FAM187B: variants seen among roughly 807,000 people sequenced by gnomAD.
The protein encoded by FAM187B is protein FAM187B.
Under a neutral mutation model 22.6 loss-of-function variants are expected in FAM187B, and 22 were observed. The observed-to-expected ratio is 0.97, with a 90% CI of 0.70 to 1.39. The LOEUF (loss-of-function observed/expected upper bound fraction) is 1.39. FAM187B is among the 40% of genes most tolerant of loss of function. FAM187B has a pLI of 0.00. For synonymous variants in FAM187B, 192 were observed against 201.8 expected, an observed-to-expected ratio of 0.95 and a Z score of 0.41; for missense variants, 433 against 462.1, an observed-to-expected ratio of 0.94 and a Z score of 0.58.
rs111368037 is a variant in FAM187B at position 35,228,075 on chromosome 19, G to A, written c.606C>T (p.His202=). The change falls in exon 1 of 2, where the codon CAC becomes CAT. Residue 202 remains histidine (H), a synonymous_variant. Coordinates refer to ENST00000324675, the MANE Select transcript of FAM187B (RefSeq NM_152481.2). ...ACTGTGTGTTATTGGTGCACTGGAC[G>A]TGGCAGGCTTCCACCTGCAGCTCAG... ...LRPELQVEAC[H]VQCTNNTQLR... The A allele has an allele frequency of 2.7e-5, 43 of 1,614,114 alleles. No homozygotes were observed. Among genetic ancestry groups the A allele is most frequent in the Middle Eastern group, 1.6e-4 (1 of 6,084 alleles).
Position 35,228,452 on chromosome 19 carries a change from C to A in FAM187B, c.229G>T (p.Glu77Ter), listed in dbSNP as rs762057149. ...TNISNMEIMP[E>*]GSLLIKDPLP... Reference sequence around the variant, plus strand: ...GGATCTTTAATGAGAAGGCTGCCCTCGGGCATTATTTCCATATTGGAAATA... The same window carrying A: ...GGATCTTTAATGAGAAGGCTGCCCTAGGGCATTATTTCCATATTGGAAATA... The change falls in exon 1 of 2, where the codon GAG becomes TAG. Residue 77 changes from glutamate (E) to a stop codon, truncating the protein, a stop_gained. Transcript: ENST00000324675. LOFTEE classifies it high-confidence loss of function. 1.2e-6 allele frequency: 2 copies of A among 1,614,152 alleles called. No individual in the cohort carries two copies. The highest frequency in any genetic ancestry group is 1.7e-6 in the Non-Finnish European group (2 of 1,180,028).
chr19:35,228,291 G>A lies in FAM187B; in HGVS notation c.390C>T (p.Asn130=), dbSNP rs150029822. ...GTTTGCTGCCCAAATGCAGGGTCTC[G>A]TTCTGCAGGGGCCTCTGACCCAGGT... ...HKDLGQRPLQ[N]ETLHLGSKQL... The change falls in exon 1 of 2, where the codon AAC becomes AAT. Residue 130 remains asparagine (N), a synonymous_variant. Coordinates refer to ENST00000324675, the MANE Select transcript of FAM187B (RefSeq NM_152481.2). 2.5e-5 allele frequency: 41 copies of A among 1,614,218 alleles called. No individual in the cohort carries two copies. The highest frequency in any genetic ancestry group is 1.8e-4 in the East Asian group (8 of 44,878).
chr19:35,228,716 C>A lies in FAM187B; in HGVS notation c.-36G>T. On this transcript the variant is annotated 5_prime_UTR_variant, in exon 1 of 2. Coordinates refer to ENST00000324675, the MANE Select transcript of FAM187B (RefSeq NM_152481.2). ...GGCTGTGGCAGTGGGCTGGTGCCAC[C>A]CCGAACATTGTGAGGTCACCCATGA... 6.4e-7 allele frequency: 1 copy of A among 1,566,778 alleles called. No individual in the cohort carries two copies.
At chr19:35,225,316 C>G in intron 1 of FAM187B, 104 bp from the exon 2 acceptor site, 1 of 1,337,946 alleles carries the variant, frequency 7.5e-7, no homozygotes, top group Non-Finnish European at 9.8e-7. Context: ...CTCCTCGCCA[C>G]CCCCCACGGA....
chr19:35,227,677 C>T (rs1175436325), intron 1 of FAM187B, among the ~76,000 whole-genome samples: 2 of 152,216 alleles, frequency 1.3e-5, no homozygotes, highest in South Asian at 2.1e-4. Context: ...CAAGGTCTCA[C>T]TGACCTTTCC....
At position 35,228,167 on chromosome 19, in the gene FAM187B, G is replaced by C. The variant is rs763808875; in HGVS notation, c.514C>G (p.Leu172Val). 3.8e-5 allele frequency: 62 copies of C among 1,614,190 alleles called. No individual in the cohort carries two copies. In the Admixed American group the frequency reaches 1.0e-3, roughly 27 times the overall value. ...RLGYRYIEEP[L>V]EEAMPCWLYL... Reference sequence around the variant, plus strand: ...AGCCAGCAGGGCATGGCTTCCTCCAGAGGCTCCTCAATGTAGCGGTACCCC... The same window carrying C: ...AGCCAGCAGGGCATGGCTTCCTCCACAGGCTCCTCAATGTAGCGGTACCCC... Residue 172 changes from leucine to valine, a missense_variant, in exon 1 of 2, where the codon CTG (leucine) becomes GTG (valine). Coordinates refer to ENST00000324675, the MANE Select transcript of FAM187B (RefSeq NM_152481.2).
rs75397987 is a variant in FAM187B, at chr19:35,228,173, C to T, written c.508G>A (p.Glu170Lys). 30,509 of 1,614,088 alleles carry T rather than the reference C, an allele frequency of 0.019. 772 individuals are homozygous for T. Among genetic ancestry groups the T allele is most frequent in the East Asian group, 0.12 (5,463 of 44,878 alleles). ...CAGGGCATGGCTTCCTCCAGAGGCT[C>T]CTCAATGTAGCGGTACCCCAGGCGT... ...CKRLGYRYIE[E>K]PLEEAMPCWL... The change falls in exon 1 of 2, where the codon GAG (glutamate) becomes AAG (lysine). Residue 170 changes from glutamate to lysine, a missense_variant. Glu to Lys is a moderately conservative substitution (Grantham distance 56). Transcript: ENST00000324675.
chr19:35,224,986 G>A lies in FAM187B; in HGVS notation c.949C>T (p.Arg317Trp). The part of the protein sequence containing the change: ...AQWRENDAQW[R>W]EARKALRGRA... ...CCCCGCAGGGCCTTCCTTGCCTCCC[G>A]CCACTGGGCATCGTTCTCTCTCCAC... The change falls in exon 2 of 2, where the codon CGG (arginine) becomes TGG (tryptophan). Residue 317 changes from arginine to tryptophan, a missense_variant. By Grantham distance (101) the Arg-to-Trp change is moderately radical. Transcript: ENST00000324675. 2.5e-6 allele frequency: 4 copies of A among 1,613,782 alleles called. No homozygotes were observed. The South Asian group carries it at 3.3e-5, about 13-fold the overall frequency.
Position 35,228,323 on chromosome 19 carries a change from G to A in FAM187B, c.358C>T (p.His120Tyr). The A allele has an allele frequency of 1.9e-6, 3 of 1,614,128 alleles. No individual in the cohort carries two copies. The highest frequency in any genetic ancestry group is 2.5e-6 in the Non-Finnish European group (3 of 1,180,040). Residue 120 changes from histidine to tyrosine, a missense_variant, in exon 1 of 2, where the codon CAC (histidine) becomes TAC (tyrosine). His to Tyr is a moderately conservative substitution (Grantham distance 83). Coordinates refer to ENST00000324675, the MANE Select transcript of FAM187B (RefSeq NM_152481.2). ...FQDVTTLHIT[H>Y]KDLGQRPLQN... ...AGGGGCCTCTGACCCAGGTCCTTGT[G>A]TGTTATATGCAGGGTGGTGACATCC... is the stretch of plus-strand genomic sequence containing the variant.
chr19:35,227,919 G>T, intron 1 of FAM187B, 40 bp downstream of exon 1: 1 of 1,565,136 alleles, frequency 6.4e-7, no homozygotes, highest in Non-Finnish European at 8.7e-7. Context: ...CCCCTGACCG[G>T]AAGAATCTGG....
At chr19:35,225,321 C>G (rs916780776) in intron 1 of FAM187B, 109 bp from the exon 2 acceptor site, 49 of 1,332,972 alleles carry the variant, frequency 3.7e-5, no homozygotes, top group African/African-American at 1.3e-4. Flanking sequence ...CGCCACCCCC[C>G]ACGGAGCACT....
In FAM187B at chr19:35,228,294, C is replaced by T. The variant is rs1185334263; in HGVS notation, c.387G>A (p.Gln129=). The T allele has an allele frequency of 1.3e-5, 21 of 1,614,234 alleles. No homozygotes were observed. The highest frequency in any genetic ancestry group is 1.7e-5 in the Non-Finnish European group (20 of 1,180,046). ...THKDLGQRPL[Q]NETLHLGSKQ... ...TGCTGCCCAAATGCAGGGTCTCGTT[C>T]TGCAGGGGCCTCTGACCCAGGTCCT... Residue 129 remains glutamine, a synonymous_variant, in exon 1 of 2, where the codon CAG becomes CAA. Coordinates refer to ENST00000324675, the MANE Select transcript of FAM187B (RefSeq NM_152481.2).
chr19:35,228,738 ATGAACT>A, exon 1 of FAM187B: 2 of 1,540,326 alleles, frequency 1.3e-6, no homozygotes, highest in Non-Finnish European at 1.7e-6. Context: ...GAGGTCACCC[ATGAACT>A]CTGGCCTCAG....
In FAM187B at chr19:35,225,563, A is replaced by G. The variant is rs140437222; in HGVS notation, c.723-351T>C. 2.0e-3 allele frequency among the ~76,000 whole-genome samples: 305 copies of G among 152,322 alleles called. 7 individuals are homozygous for G. The East Asian group carries it at 0.05, about 25-fold the overall frequency. On this transcript the variant is annotated intron_variant, in intron 1 of 1. Coordinates refer to ENST00000324675, the MANE Select transcript of FAM187B (RefSeq NM_152481.2). ...TTGGTGGCTCACACCTGTAATCCCA[A>G]CACTTTCAGAGGCAAAGGCAAGGAG...
chr19:35,226,576 A>G (rs1011011585), intron 1 of FAM187B, among the ~76,000 whole-genome samples: 1 of 152,244 alleles, frequency 6.6e-6, no homozygotes, highest in Non-Finnish European at 1.5e-5. Flanking sequence ...GGAGCTTGGC[A>G]TATAAATATG....
chr19:35,228,120 C>T lies in FAM187B; in HGVS notation c.561G>A (p.Val187=). 2 of 1,614,260 alleles carry T rather than the reference C, an allele frequency of 1.2e-6. No individual in the cohort carries two copies. Among genetic ancestry groups the T allele is most frequent in the African/African-American group, 2.7e-5 (2 of 75,072 alleles). ...GCTCAGGCCGCAAGCGGCTAGACCACACCAGCACCTCTCCCAGATAGAGCC... is the reference window on the plus strand; with the variant it reads ...GCTCAGGCCGCAAGCGGCTAGACCATACCAGCACCTCTCCCAGATAGAGCC... ...PCWLYLGEVL[V]WSSRLRPELQ... Residue 187 remains valine, a synonymous_variant, in exon 1 of 2, where the codon GTG becomes GTA. Transcript: ENST00000324675.
chr19:35,227,891 C>A, intron 1 of FAM187B, 68 bp downstream of exon 1: 1 of 1,552,320 alleles, frequency 6.4e-7, no homozygotes, highest in Non-Finnish European at 8.7e-7. Flanking sequence ...TCCCTCTGCA[C>A]ATATTACCAG....
rs1295776092 is a variant in FAM187B, at chr19:35,225,149, G to T, written c.786C>A (p.Asp262Glu). The change falls in exon 2 of 2, where the codon GAC becomes GAA. Residue 262 changes from aspartate (D) to glutamate (E), a missense_variant. Asp to Glu is a conservative substitution (Grantham distance 45, BLOSUM62 2). Coordinates refer to ENST00000324675, the MANE Select transcript of FAM187B (RefSeq NM_152481.2). ...TGGAGGGGTCCAGAAAGGTGGTGAA[G>T]TCCTGGCCGGAGAGCTGGCTCTCCC... The part of the protein sequence containing the change: ...LTWESQLSGQ[D>E]FTTFLDPSTG... 1 of 1,571,408 alleles carries T rather than the reference G, an allele frequency of 6.4e-7. No homozygotes were observed. The highest frequency in any genetic ancestry group is 8.6e-7 in the Non-Finnish European group (1 of 1,159,036).
chr19:35,226,130 C>T (rs2065660935), intron 1 of FAM187B, among the ~76,000 whole-genome samples: 1 of 152,126 alleles, frequency 6.6e-6, no homozygotes, highest in Admixed American at 6.5e-5. Context: ...CACTTTTAAC[C>T]TCCCCTATTC....
Sources: gnomAD v4.1 joint callset for allele counts (sites outside exome capture counted in the v4.1 genomes callset) on GRCh38, gnomAD v4.1.1 for gene constraint, MANE v1.5 for transcripts, NCBI Gene and HGNC (gene_info 2026-07-23, HGNC 2026-07-21) for gene names.